NLGN1: variants seen among roughly 807,000 people sequenced by gnomAD.
NLGN1 encodes the protein neuroligin 1, also known as neuroligin-1.
NLGN1 carries 12 observed loss-of-function variants against 65.5 expected under a neutral mutation model. That is an observed-to-expected ratio of 0.18 (90% CI 0.12 to 0.30). The LOEUF (loss-of-function observed/expected upper bound fraction) is 0.30. Among genes scored for constraint, NLGN1 ranks in the 10% least tolerant of loss-of-function variants. The probability of loss-of-function intolerance (pLI) is 1.00; values close to 1 mark genes in which losing one functional copy is unlikely to be tolerated. For synonymous variants in NLGN1, 350 were observed against 359.5 expected (o/e 0.97, Z 0.30); for missense variants, 750 against 1,007.1 (o/e 0.74, Z 3.46).
intron 1 of NLGN1, among the ~76,000 whole-genome samples, chr3:173,430,034 C>A (rs1275226560): frequency 6.6e-6 from 1 of 152,156 alleles, no homozygotes; most frequent in Non-Finnish European, 1.5e-5. Flanking sequence ...TATGATGCTT[C>A]CTGTGGATTC....
chr3:174,024,774 G>C (rs1728521268), intron 4 of NLGN1, among the ~76,000 whole-genome samples: 1 of 152,142 alleles, frequency 6.6e-6, no homozygotes, highest in Non-Finnish European at 1.5e-5. Context: ...TCTTTTATCT[G>C]CTCATTGACA....
At chr3:174,133,272 TAGAAGTCTCC>T (rs1720551800) in intron 4 of NLGN1, among the ~76,000 whole-genome samples, 1 of 152,216 alleles carries the variant, frequency 6.6e-6, no homozygotes, top group Non-Finnish European at 1.5e-5. Context: ...CATTCCTTCG[TAGAAGTCTCC>T]AGATCCTAAC....
chr3:173,450,314 A>G (rs1222881096), intron 2 of NLGN1, among the ~76,000 whole-genome samples: 2 of 151,976 alleles, frequency 1.3e-5, no homozygotes, highest in Admixed American at 6.6e-5. Context: ...TTTCTCCTTC[A>G]CTTATGAAGC....
chr3:174,156,740 T>A (rs926930487), intron 4 of NLGN1, among the ~76,000 whole-genome samples: 1 of 151,656 alleles, frequency 6.6e-6, no homozygotes, highest in African/African-American at 2.4e-5. Context: ...ATTAACAAAG[T>A]CTGACTTTTG....
At position 174,225,308 on chromosome 3, in the gene NLGN1, G is replaced by A. The variant is rs530383655; in HGVS notation, c.647-50007G>A. Among the ~76,000 whole-genome samples the A allele has an allele frequency of 1.0e-3, 152 of 152,234 alleles. 1 individual carries two copies. The highest frequency in any genetic ancestry group is 7.2e-3 in the South Asian group (35 of 4,828). On this transcript the variant is annotated intron_variant, in intron 4 of 6. Coordinates refer to ENST00000457714, the Ensembl canonical transcript of NLGN1. ...CATGTAAAGAATCTCTGCCCTAAGG[G>A]CTTAATGGGCATTTACTTTGTGTGG...
At chr3:173,748,969 T>C (rs1775937269) in intron 3 of NLGN1, among the ~76,000 whole-genome samples, 1 of 152,026 alleles carries the variant, frequency 6.6e-6, no homozygotes, top group Non-Finnish European at 1.5e-5. Flanking sequence ...GGTGCGTCAT[T>C]ATATGCACAT....
chr3:173,464,593 G>A (rs1276001060), intron 2 of NLGN1, among the ~76,000 whole-genome samples: 4 of 151,782 alleles, frequency 2.6e-5, no homozygotes, highest in Non-Finnish European at 4.4e-5. Flanking sequence ...GCACCACCAT[G>A]CCTGGCTAAT....
chr3:173,420,965 A>G (rs1226790845), intron 1 of NLGN1, among the ~76,000 whole-genome samples: 2 of 152,188 alleles, frequency 1.3e-5, no homozygotes, highest in Non-Finnish European at 2.9e-5. Flanking sequence ...CTTTTCTAAT[A>G]TCAGGTAGTA....
chr3:173,565,746 G>T (rs1743546952), intron 2 of NLGN1, among the ~76,000 whole-genome samples: 1 of 152,074 alleles, frequency 6.6e-6, no homozygotes, highest in Non-Finnish European at 1.5e-5. Flanking sequence ...ACCCCCAAAT[G>T]CTTTGAAAGA....
At chr3:173,616,247 G>A (rs1477525092) in intron 3 of NLGN1, among the ~76,000 whole-genome samples, 1 of 152,074 alleles carries the variant, frequency 6.6e-6, no homozygotes, top group African/African-American at 2.4e-5. Flanking sequence ...AAAAATATGT[G>A]TGTGTTCTCT....
intron 3 of NLGN1, among the ~76,000 whole-genome samples, chr3:173,741,638 G>A (rs572953512): frequency 1.3e-5 from 2 of 152,050 alleles, no homozygotes; most frequent in African/African-American, 2.4e-5. Context: ...GATTACAGGC[G>A]TGCACCATCA....
At chr3:173,733,894 T>C (rs1207670879) in intron 3 of NLGN1, among the ~76,000 whole-genome samples, 1 of 152,116 alleles carries the variant, frequency 6.6e-6, no homozygotes, top group Non-Finnish European at 1.5e-5. Context: ...GTTTGATGGA[T>C]AGTGCATTTT....
At chr3:173,712,991 C>T (rs1769235025) in intron 3 of NLGN1, among the ~76,000 whole-genome samples, 1 of 152,038 alleles carries the variant, frequency 6.6e-6, no homozygotes, top group Admixed American at 6.6e-5. Flanking sequence ...CAATGATATA[C>T]TTAAAGACAA....
intron 2 of NLGN1, among the ~76,000 whole-genome samples, chr3:173,539,652 C>CATGTAT (rs1738204960): frequency 9.7e-6 from 1 of 103,592 alleles, no homozygotes; most frequent in African/African-American, 3.4e-5. Context: ...ACATATATAA[C>CATGTAT]ATATGTGTAT....
intron 4 of NLGN1, among the ~76,000 whole-genome samples, chr3:173,842,974 T>C (rs1433454006): frequency 6.6e-6 from 1 of 152,152 alleles, no homozygotes; most frequent in African/African-American, 2.4e-5. Flanking sequence ...TGCAGCAAAC[T>C]TTTGCCTGGG....
At chr3:173,901,212 A>G (rs1249632564) in intron 4 of NLGN1, among the ~76,000 whole-genome samples, 2 of 152,014 alleles carry the variant, frequency 1.3e-5, no homozygotes, top group Non-Finnish European at 2.9e-5. Flanking sequence ...GAGTTCACAT[A>G]TATATGCACT....
At chr3:173,485,904 A>G (rs1414887498) in intron 2 of NLGN1, among the ~76,000 whole-genome samples, 1 of 152,094 alleles carries the variant, frequency 6.6e-6, no homozygotes, top group East Asian at 1.9e-4. Flanking sequence ...ATAGTCCAGG[A>G]AATGTCACAT....
At chr3:173,419,351 T>C (rs911155417) in intron 1 of NLGN1, among the ~76,000 whole-genome samples, 3 of 150,324 alleles carry the variant, frequency 2.0e-5, no homozygotes, top group Admixed American at 2.0e-4. Context: ...CTGACATCTT[T>C]CCAGCAGGAA....
At chr3:174,041,922 C>A (rs1732404411) in intron 4 of NLGN1, among the ~76,000 whole-genome samples, 1 of 152,060 alleles carries the variant, frequency 6.6e-6, no homozygotes, top group South Asian at 2.1e-4. Context: ...GGTGTGTTGG[C>A]AGGTGCCTGT....
Sources: gnomAD v4.1 joint callset for allele counts (sites outside exome capture counted in the v4.1 genomes callset) on GRCh38, gnomAD v4.1.1 for gene constraint, MANE v1.5 for transcripts, NCBI Gene and HGNC (gene_info 2026-07-23, HGNC 2026-07-21) for gene names.